Variants in SNX29 observed in about 807,000 individuals in gnomAD.
The protein encoded by SNX29 is sorting nexin 29, also known as sorting nexin-29.
In SNX29, 78 loss-of-function variants were observed where a neutral mutation model predicts 102.1. The ratio of observed to expected loss-of-function variants is 0.76; its 90% CI spans 0.64 to 0.92. The LOEUF is 0.92. Among genes scored for constraint, SNX29 ranks in the 40% least tolerant of loss-of-function variants. The pLI is 0.00. For missense variants in SNX29, 1,280 were observed against 1,061.7 expected (o/e 1.21, Z -2.86); for synonymous variants, 580 against 414.5 (o/e 1.40, Z -4.85).
At chr16:12,095,321 G>A (rs1210870967) in intron 11 of SNX29, 2 of 152,172 alleles carry the variant, frequency 1.3e-5, no homozygotes, top group East Asian at 1.9e-4. Flanking sequence ...AGCGGCTCAG[G>A]CTTTATTCCT....
At chr16:12,318,807 C>T (rs1388837213) in intron 15 of SNX29, among the ~76,000 whole-genome samples, 6 of 152,094 alleles carry the variant, frequency 3.9e-5, no homozygotes, top group Admixed American at 2.0e-4. Context: ...TTCTAAGCTA[C>T]GTGTCCACGT....
chr16:12,232,512 C>T (rs2077799726), intron 14 of SNX29, among the ~76,000 whole-genome samples: 1 of 152,018 alleles, frequency 6.6e-6, no homozygotes, highest in Admixed American at 6.5e-5. Context: ...CATAGTGAGA[C>T]TCGGCCAGAA....
At position 12,342,018 on chromosome 16, in the gene SNX29, C is replaced by T. The variant is rs142244629; in HGVS notation, c.1783-14145C>T. Reference sequence around the variant, plus strand: ...CCAGCTTCATAGATGCTGCTGAGAACGTGAACTCTTTTACCTCTCCCAGAT... The same window carrying T: ...CCAGCTTCATAGATGCTGCTGAGAATGTGAACTCTTTTACCTCTCCCAGAT... On this transcript the variant is annotated intron_variant, in intron 15 of 20. Coordinates refer to ENST00000566228, the MANE Select transcript of SNX29 (RefSeq NM_032167.5). Among the ~76,000 whole-genome samples, 36 of 152,280 alleles carry T rather than the reference C, an allele frequency of 2.4e-4. No individual in the cohort carries two copies. The South Asian group carries it at 5.0e-3, about 21-fold the overall frequency.
chr16:12,522,345 G>T (rs200930282), intron 19 of SNX29, among the ~76,000 whole-genome samples: 6 of 148,542 alleles, frequency 4.0e-5, no homozygotes, highest in South Asian at 2.1e-4. Context: ...TGCCTCTCAA[G>T]AAAGACTCTT....
chr16:12,421,580 T>G (rs1567546274), intron 18 of SNX29, among the ~76,000 whole-genome samples: 1 of 152,190 alleles, frequency 6.6e-6, no homozygotes, highest in Non-Finnish European at 1.5e-5. Flanking sequence ...CCTATCAGAG[T>G]GCTGTTAGAT....
Position 12,225,059 on chromosome 16 carries a change from T to C in SNX29, c.1678+25376T>C, listed in dbSNP as rs574550574. ...TCCTCTTACTTTAGTCAGAAATCTT[T>C]CTAACATCTGTTATTCTAACAAACA... On this transcript the variant is annotated intron_variant, in intron 14 of 20. Transcript: ENST00000566228. 4.7e-4 allele frequency among the ~76,000 whole-genome samples: 71 copies of C among 152,334 alleles called. 1 individual carries two copies. The South Asian group carries it at 0.012, about 26-fold the overall frequency.
chr16:12,059,360 C>G (rs2050673667), intron 8 of SNX29, among the ~76,000 whole-genome samples: 1 of 152,216 alleles, frequency 6.6e-6, no homozygotes, highest in Non-Finnish European at 1.5e-5. Flanking sequence ...GAGGGCGCCT[C>G]TTGACAGATT....
intron 17 of SNX29, among the ~76,000 whole-genome samples, chr16:12,402,671 C>T (rs1404754098): frequency 3.9e-5 from 6 of 152,180 alleles, no homozygotes; most frequent in Non-Finnish European, 8.8e-5. Flanking sequence ...GTTAAACATG[C>T]CTCACCTGGC....
chr16:12,316,207 A>G (rs894612258), intron 15 of SNX29, among the ~76,000 whole-genome samples: 1 of 152,240 alleles, frequency 6.6e-6, no homozygotes, highest in African/African-American at 2.4e-5. Flanking sequence ...GTGGGGCGGG[A>G]AGAATTTGGG....
intron 20 of SNX29, among the ~76,000 whole-genome samples, chr16:12,561,924 A>T (rs1354929189): frequency 6.6e-6 from 1 of 152,136 alleles, no homozygotes; most frequent in African/African-American, 2.4e-5. Context: ...GTTGCCTTCC[A>T]GGTGAGCTTA....
intron 14 of SNX29, 146 bp downstream of exon 14, chr16:12,199,829 AT>A: frequency 1.5e-6 from 1 of 678,446 alleles, no homozygotes; most frequent in Non-Finnish European, 2.5e-6. Context: ...CAGAAAATTA[AT>A]CAGGTGGAAA....
intron 14 of SNX29, among the ~76,000 whole-genome samples, chr16:12,242,755 G>C (rs1161571125): frequency 6.6e-6 from 1 of 151,588 alleles, no homozygotes; most frequent in Non-Finnish European, 1.5e-5. Flanking sequence ...CCAGGCTCCA[G>C]CAATCCTCCC....
intron 11 of SNX29, among the ~76,000 whole-genome samples, chr16:12,124,718 C>T (rs2054129524): frequency 6.6e-6 from 1 of 152,190 alleles, no homozygotes; most frequent in Admixed American, 6.5e-5. Flanking sequence ...TGAATCCATC[C>T]TGTCCACAGC....
At chr16:12,544,439 C>G (rs777149375) in intron 20 of SNX29, among the ~76,000 whole-genome samples, 3 of 152,178 alleles carry the variant, frequency 2.0e-5, no homozygotes, top group African/African-American at 7.2e-5. Context: ...GGACGTTTCT[C>G]TTTCTCTACC....
chr16:12,002,655 G>C (rs2056328457), intron 2 of SNX29, among the ~76,000 whole-genome samples: 1 of 152,230 alleles, frequency 6.6e-6, no homozygotes, highest in South Asian at 2.1e-4. Context: ...AGCTGTGTGT[G>C]GTAGACAGTC....
At chr16:12,411,544 T>C (rs905279377) in intron 18 of SNX29, among the ~76,000 whole-genome samples, 1 of 152,216 alleles carries the variant, frequency 6.6e-6, no homozygotes, top group African/African-American at 2.4e-5. Flanking sequence ...TCTTTCCAAA[T>C]AGGAAGAATT....
At chr16:12,275,314 T>C (rs776582137) in intron 14 of SNX29, among the ~76,000 whole-genome samples, 1 of 152,270 alleles carries the variant, frequency 6.6e-6, no homozygotes, top group East Asian at 1.9e-4. Flanking sequence ...GGAAGAAGAA[T>C]GGGAGAAACT....
chr16:12,272,330 CA>C (rs1444696380), intron 14 of SNX29, among the ~76,000 whole-genome samples: 1 of 152,192 alleles, frequency 6.6e-6, no homozygotes, highest in Non-Finnish European at 1.5e-5. Context: ...TTGTGATGAG[CA>C]GGACCTCCTT....
intron 18 of SNX29, among the ~76,000 whole-genome samples, chr16:12,451,134 T>C (rs2086282538): frequency 6.6e-6 from 1 of 152,232 alleles, no homozygotes; most frequent in Non-Finnish European, 1.5e-5. Context: ...ACTGCTATTT[T>C]TATTGATTCA....
Sources: allele counts gnomAD v4.1 joint callset (sites outside exome capture counted in the v4.1 genomes callset), GRCh38; gene constraint gnomAD v4.1.1; transcripts MANE v1.5; gene names NCBI Gene and HGNC (gene_info 2026-07-23, HGNC 2026-07-21).